The following ADAMTS14 variants were observed in gnomAD, a reference collection of about 807,000 sequenced individuals.
The protein encoded by ADAMTS14 is ADAM metallopeptidase with thrombospondin type 1 motif 14.
A neutral mutation model predicts 128.6 loss-of-function variants in ADAMTS14; 100 were observed. That is an observed-to-expected ratio of 0.78 (90% confidence interval 0.66 to 0.92). ADAMTS14 has a LOEUF of 0.92. Among genes scored for constraint, ADAMTS14 ranks in the 40% least tolerant of loss-of-function variants. ADAMTS14 has a pLI of 0.00. For synonymous variants in ADAMTS14, 665 were observed against 653.8 expected (o/e 1.02, Z -0.26); for missense variants, 1,562 against 1,658.6 (o/e 0.94, Z 1.01).
intron 12 of ADAMTS14, among the ~76,000 whole-genome samples, chr10:70,741,717 G>T (rs969569157): frequency 6.6e-6 from 1 of 152,202 alleles, no homozygotes; most frequent in Admixed American, 6.5e-5. Flanking sequence ...TCTCTAGGCT[G>T]CCCTGGGACA....
intron 10 of ADAMTS14, among the ~76,000 whole-genome samples, chr10:70,737,265 C>G (rs1841856216): frequency 1.3e-5 from 2 of 152,176 alleles, no homozygotes; most frequent in Non-Finnish European, 2.9e-5. Context: ...TCATGAATGT[C>G]CTGTGTTTGC....
At chr10:70,756,023 A>G (rs964034198) in intron 19 of ADAMTS14, among the ~76,000 whole-genome samples, 1 of 152,228 alleles carries the variant, frequency 6.6e-6, no homozygotes, top group Non-Finnish European at 1.5e-5. Flanking sequence ...TTCATATAAT[A>G]CAGTACTATA....
chr10:70,743,973 C>T (rs1842089534), intron 13 of ADAMTS14, 93 bp from the exon 14 acceptor site: 2 of 1,478,872 alleles, frequency 1.4e-6, no homozygotes, highest in African/African-American at 1.4e-5. Context: ...CAGAGGTCTT[C>T]TCCTGACCAG....
chr10:70,746,550 G>A (rs1306954020), intron 15 of ADAMTS14, among the ~76,000 whole-genome samples: 3 of 152,226 alleles, frequency 2.0e-5, no homozygotes, highest in African/African-American at 7.2e-5. Flanking sequence ...GCTCACGCCT[G>A]TAATCCCAAC....
intron 2 of ADAMTS14, among the ~76,000 whole-genome samples, chr10:70,676,123 C>A (rs958682601): frequency 6.7e-6 from 1 of 148,894 alleles, no homozygotes; most frequent in Non-Finnish European, 1.5e-5. Flanking sequence ...GTCTACCCCA[C>A]GATGAGGTTT....
rs748122717 is a variant in ADAMTS14, at chr10:70,743,691, C to T, written c.2058+10C>T. 6.4e-7 allele frequency: 1 copy of T among 1,559,334 alleles called. No individual in the cohort carries two copies. Among genetic ancestry groups the T allele is most frequent in the East Asian group, 2.3e-5 (1 of 43,200 alleles). ...GCGTGGCGAGTGTGTGGTGGGTGCACCCCCAGCCACCCCGACTACCGGCAC... is the reference window on the plus strand; with the variant it reads ...GCGTGGCGAGTGTGTGGTGGGTGCATCCCCAGCCACCCCGACTACCGGCAC... On this transcript the variant is annotated intron_variant, in intron 13 of 21. Coordinates refer to ENST00000373207, the MANE Select transcript of ADAMTS14 (RefSeq NM_080722.4).
At chr10:70,710,252 G>A (rs904014688) in intron 4 of ADAMTS14, among the ~76,000 whole-genome samples, 2 of 152,250 alleles carry the variant, frequency 1.3e-5, no homozygotes, top group Admixed American at 6.5e-5. Flanking sequence ...CTGAGCCTCT[G>A]CAAGGTGACC....
chr10:70,751,844 G>A (rs184267553), intron 17 of ADAMTS14, among the ~76,000 whole-genome samples, 198 bp downstream of exon 17: 63 of 152,340 alleles, frequency 4.1e-4, no homozygotes, highest in Admixed American at 2.2e-3. Flanking sequence ...AGCCATATCC[G>A]GGCAGAGCTT....
chr10:70,740,895 G>A (rs1841973986), intron 11 of ADAMTS14, 92 bp from the exon 12 acceptor site: 2 of 1,350,274 alleles, frequency 1.5e-6, no homozygotes, highest in Non-Finnish European at 2.1e-6. Flanking sequence ...TATTATGAAT[G>A]GCTGAGCTGC....
intron 2 of ADAMTS14, among the ~76,000 whole-genome samples, chr10:70,679,199 T>C (rs973707724): frequency 6.6e-6 from 1 of 151,966 alleles, no homozygotes; most frequent in Non-Finnish European, 1.5e-5. Context: ...TCAGACATTA[T>C]AAACATGAAA....
At chr10:70,720,811 G>A (rs992478982) in intron 4 of ADAMTS14, among the ~76,000 whole-genome samples, 2 of 152,024 alleles carry the variant, frequency 1.3e-5, no homozygotes, top group Non-Finnish European at 2.9e-5. Context: ...GTAGATACAC[G>A]CACCCATGTG....
chr10:70,759,137 T>TCGCA (rs1842549749), intron 21 of ADAMTS14, among the ~76,000 whole-genome samples: 1 of 151,784 alleles, frequency 6.6e-6, no homozygotes, highest in Non-Finnish European at 1.5e-5. Context: ...TCTACTTCTC[T>TCGCA]GCTCCTAGGC....
At chr10:70,748,257 G>T (rs1842243814) in intron 15 of ADAMTS14, among the ~76,000 whole-genome samples, 1 of 152,196 alleles carries the variant, frequency 6.6e-6, no homozygotes, top group Non-Finnish European at 1.5e-5. Context: ...GAGAGTTTAT[G>T]GTGGTCCACC....
intron 4 of ADAMTS14, among the ~76,000 whole-genome samples, chr10:70,722,793 A>T (rs1025533506): frequency 6.6e-6 from 1 of 152,222 alleles, no homozygotes; most frequent in Non-Finnish European, 1.5e-5. Context: ...AAAATAGATA[A>T]AAGTCCATAC....
chr10:70,711,655 G>A (rs1840863557), intron 4 of ADAMTS14, among the ~76,000 whole-genome samples: 2 of 152,334 alleles, frequency 1.3e-5, no homozygotes, highest in South Asian at 4.1e-4. Context: ...GTTTTTGCGT[G>A]TATAAGTTGT....
chr10:70,717,617 T>C (rs1182336350), intron 4 of ADAMTS14, among the ~76,000 whole-genome samples: 1 of 152,156 alleles, frequency 6.6e-6, no homozygotes, highest in Non-Finnish European at 1.5e-5. Context: ...GGACCAGTTC[T>C]CTGGGGCGAG....
At chr10:70,741,193 T>C (rs371455741) in intron 12 of ADAMTS14, 31 bp downstream of exon 12, 3 of 1,607,006 alleles carry the variant, frequency 1.9e-6, no homozygotes, top group African/African-American at 2.7e-5. Flanking sequence ...TCCCACTCCA[T>C]GTCCTTAGGC....
Position 70,748,180 on chromosome 10 carries a change from C to T in ADAMTS14, c.2264-1642C>T, listed in dbSNP as rs1185017580. Among the ~76,000 whole-genome samples the T allele has an allele frequency of 2.6e-5, 4 of 152,160 alleles. No individual in the cohort carries two copies. In the East Asian group the frequency reaches 7.7e-4, roughly 29 times the overall value. On this transcript the variant is annotated intron_variant, in intron 15 of 21. Transcript: ENST00000373207. ...TTTGCAGTTAAAGGAAACTGAGGCT[C>T]AGAGAGAGGTTAGATACAGAACAGG...
At chr10:70,684,931 C>A (rs1157408556) in intron 2 of ADAMTS14, among the ~76,000 whole-genome samples, 1 of 152,234 alleles carries the variant, frequency 6.6e-6, no homozygotes, top group Non-Finnish European at 1.5e-5. Context: ...CTTGTCTCCT[C>A]ATGACCATGC....
Sources: allele counts gnomAD v4.1 joint callset (sites outside exome capture counted in the v4.1 genomes callset), GRCh38; gene constraint gnomAD v4.1.1; transcripts MANE v1.5; gene names NCBI Gene and HGNC (gene_info 2026-07-23, HGNC 2026-07-21).